Variants in MTCL3 observed in about 807,000 individuals in gnomAD.
The protein encoded by MTCL3 is MTCL family member 3.
the MTCL3 span, among the ~76,000 whole-genome samples, chr6:127,487,539 C>T: frequency 3.9e-5 from 6 of 152,130 alleles, no homozygotes; most frequent in Non-Finnish European, 8.8e-5. Flanking sequence ...AGAATGGGCT[C>T]TTGTTCCTAG....
chr6:127,517,265 A>C, the MTCL3 span, among the ~76,000 whole-genome samples: 132 of 152,280 alleles, frequency 8.7e-4, no homozygotes, highest in South Asian at 0.027. Flanking sequence ...CCAACCCTTA[A>C]TGTTGTTTTT....
the MTCL3 span, among the ~76,000 whole-genome samples, chr6:127,480,849 C>G: frequency 2.0e-5 from 3 of 152,090 alleles, no homozygotes; most frequent in African/African-American, 7.2e-5. Flanking sequence ...ATTGAGATAT[C>G]CCATCAGAGA....
the MTCL3 span, among the ~76,000 whole-genome samples, chr6:127,493,588 A>G: frequency 6.6e-6 from 1 of 152,204 alleles, no homozygotes; most frequent in African/African-American, 2.4e-5. Flanking sequence ...GAATTTGCCA[A>G]TAAATCAGCC....
At chr6:127,515,630 C>G in the MTCL3 span, 2 of 1,418,988 alleles carry the variant, frequency 1.4e-6, no homozygotes, top group Non-Finnish European at 1.8e-6. This position sits in a 1 kb window ranked among gnomAD's most constrained non-coding sequence, Gnocchi z 4.3. Flanking sequence ...TGCATGCCCC[C>G]GCCGCTCGCG....
the MTCL3 span, chr6:127,516,049 T>A: frequency 6.5e-7 from 1 of 1,545,802 alleles, no homozygotes; most frequent in Non-Finnish European, 8.7e-7. Context: ...CGGCGGCGGC[T>A]GCGGAGCGCC....
At chr6:127,478,478 T>C in the MTCL3 span, among the ~76,000 whole-genome samples, 2 of 152,202 alleles carry the variant, frequency 1.3e-5, no homozygotes, top group African/African-American at 4.8e-5. Context: ...GAAATGGTTT[T>C]GGGTGAAGAA....
At chr6:127,495,968 G>A in the MTCL3 span, among the ~76,000 whole-genome samples, 4 of 152,090 alleles carry the variant, frequency 2.6e-5, no homozygotes, top group African/African-American at 9.7e-5. Flanking sequence ...GGTGGCTCAC[G>A]CCTGTAATCC....
the MTCL3 span, among the ~76,000 whole-genome samples, chr6:127,477,917 T>C: frequency 2.6e-5 from 4 of 152,092 alleles, no homozygotes; most frequent in Admixed American, 1.3e-4. Flanking sequence ...AAACTCATAT[T>C]CCTTCCACTG....
the MTCL3 span, among the ~76,000 whole-genome samples, chr6:127,501,122 T>C: frequency 5.3e-5 from 8 of 152,250 alleles, no homozygotes; most frequent in Non-Finnish European, 1.2e-4. Context: ...AAGAATTTTT[T>C]AAGTTTCATT....
chr6:127,500,136 A>G, the MTCL3 span, among the ~76,000 whole-genome samples: 1 of 152,150 alleles, frequency 6.6e-6, no homozygotes, highest in Non-Finnish European at 1.5e-5. Context: ...TCTTGGGTGA[A>G]TTCTGTTTCC....
At chr6:127,485,086 T>C in the MTCL3 span, among the ~76,000 whole-genome samples, 1 of 152,184 alleles carries the variant, frequency 6.6e-6, no homozygotes, top group African/African-American at 2.4e-5. Flanking sequence ...AAGTTACTAG[T>C]TGGTAACAAT....
At chr6:127,492,950 G>C in the MTCL3 span, among the ~76,000 whole-genome samples, 5 of 152,164 alleles carry the variant, frequency 3.3e-5, no homozygotes, top group Non-Finnish European at 5.9e-5. Context: ...GTATATAGGA[G>C]TTAAAAGCTA....
the MTCL3 span, among the ~76,000 whole-genome samples, chr6:127,481,739 G>C: frequency 2.6e-5 from 4 of 152,134 alleles, no homozygotes; most frequent in African/African-American, 9.7e-5. Context: ...TAATGTCAGA[G>C]GCGTGTGACC....
At chr6:127,512,583 G>T in the MTCL3 span, among the ~76,000 whole-genome samples, 906 of 152,106 alleles carry the variant, frequency 6.0e-3, 13 homozygotes, top group African/African-American at 0.021. Context: ...TCCTTCACAC[G>T]CTTGACACTC....
the MTCL3 span, among the ~76,000 whole-genome samples, chr6:127,488,448 T>C: frequency 6.6e-6 from 1 of 152,222 alleles, no homozygotes; most frequent in South Asian, 2.1e-4. Context: ...GCTCCTAGAA[T>C]TGGTCTCTGT....
At chr6:127,473,140 C>A in the MTCL3 span, 2 of 1,217,310 alleles carry the variant, frequency 1.6e-6, no homozygotes, top group East Asian at 3.6e-5. Flanking sequence ...TGAGTTGTAT[C>A]TTTTTAAAGA....
At chr6:127,505,435 C>A in the MTCL3 span, among the ~76,000 whole-genome samples, 2 of 152,154 alleles carry the variant, frequency 1.3e-5, no homozygotes, top group African/African-American at 4.8e-5. Context: ...CCAAATACTG[C>A]GTGTTCTCAC....
chr6:127,516,088 G>GCTC, the MTCL3 span: 13 of 1,497,664 alleles, frequency 8.7e-6, no homozygotes, highest in Admixed American at 2.6e-4. Context: ...GCCGCCGCCG[G>GCTC]CTCCTCCTCC....
chr6:127,508,673 T>C, the MTCL3 span, among the ~76,000 whole-genome samples: 1 of 152,200 alleles, frequency 6.6e-6, no homozygotes, highest in Non-Finnish European at 1.5e-5. Flanking sequence ...TGATAAACAG[T>C]TCTCATCATC....
Sources: allele counts gnomAD v4.1 joint callset (sites outside exome capture counted in the v4.1 genomes callset), GRCh38; gene constraint gnomAD v4.1.1; non-coding constraint Gnocchi (gnomAD v3.1); transcripts MANE v1.5; gene names NCBI Gene and HGNC (gene_info 2026-07-23, HGNC 2026-07-21).